The following ADAMTS3 variants were observed in gnomAD, a reference collection of about 807,000 sequenced individuals.
The protein encoded by ADAMTS3 is A disintegrin and metalloproteinase with thrombospondin motifs 3.
Under a neutral mutation model 129.0 loss-of-function variants are expected in ADAMTS3, and 73 were observed. That is an observed-to-expected ratio of 0.57 (90% CI 0.47 to 0.69). The LOEUF is 0.69. Among genes scored for constraint, ADAMTS3 ranks in the 30% least tolerant of loss-of-function variants. The pLI, the probability that ADAMTS3 is intolerant of heterozygous loss-of-function variation, is 0.00. For synonymous variants in ADAMTS3, 477 were observed against 510.8 expected (o/e 0.93, Z 0.89); for missense variants, 1,457 against 1,514.5 (o/e 0.96, Z 0.63).
intron 3 of ADAMTS3, among the ~76,000 whole-genome samples, chr4:72,475,760 A>T (rs1190937244): frequency 6.6e-6 from 1 of 152,108 alleles, no homozygotes; most frequent in African/African-American, 2.4e-5. Flanking sequence ...CATCTATGAA[A>T]AAAAAACAAA....
At chr4:72,452,255 T>C (rs1050273609) in intron 3 of ADAMTS3, among the ~76,000 whole-genome samples, 3 of 151,580 alleles carry the variant, frequency 2.0e-5, no homozygotes, top group African/African-American at 4.8e-5. Flanking sequence ...TCTATAGCAA[T>C]AGACATGTTA....
At chr4:72,361,630 T>A (rs1385321469) in intron 4 of ADAMTS3, among the ~76,000 whole-genome samples, 1 of 152,126 alleles carries the variant, frequency 6.6e-6, no homozygotes, top group African/African-American at 2.4e-5. Context: ...ATATTCCTAT[T>A]CTTTCCTGCA....
Position 72,283,210 on chromosome 4 carries a change from C to A in ADAMTS3, c.3544G>T (p.Ala1182Ser), listed in dbSNP as rs1162393923. 2.5e-6 allele frequency: 4 copies of A among 1,613,834 alleles called. No individual in the cohort carries two copies. Among genetic ancestry groups the A allele is most frequent in the Middle Eastern group, 1.7e-4 (1 of 6,058 alleles). ...ASDSIGASSQ[A>S]RTSKKDGKII... ...TTTCCATCTTTCTTTGAGGTTCTTG[C>A]CTGAGAAGAAGCACCTATTGAATCA... is the stretch of plus-strand genomic sequence containing the variant. Residue 1182 changes from alanine (A) to serine (S), a missense_variant, in exon 22 of 22, where the codon GCA (alanine) becomes TCA (serine). Coordinates refer to ENST00000286657, the MANE Select transcript of ADAMTS3 (RefSeq NM_014243.3).
At chr4:72,416,727 C>T (rs1722315066) in intron 3 of ADAMTS3, among the ~76,000 whole-genome samples, 1 of 152,148 alleles carries the variant, frequency 6.6e-6, no homozygotes. Context: ...AATATAATTT[C>T]CAACATCTTC....
chr4:72,440,233 T>C (rs1718072296), intron 3 of ADAMTS3, among the ~76,000 whole-genome samples: 1 of 151,770 alleles, frequency 6.6e-6, no homozygotes, highest in African/African-American at 2.4e-5. Flanking sequence ...TCAGTAGACA[T>C]GAAGGTCTAA....
At chr4:72,456,717 A>G (rs1194776622) in intron 3 of ADAMTS3, among the ~76,000 whole-genome samples, 3 of 151,288 alleles carry the variant, frequency 2.0e-5, no homozygotes, top group African/African-American at 7.3e-5. Context: ...ACATTTGGGG[A>G]GAAACTGGGA....
chr4:72,300,133 T>A (rs1025021892), intron 17 of ADAMTS3, among the ~76,000 whole-genome samples: 2 of 152,052 alleles, frequency 1.3e-5, no homozygotes, highest in African/African-American at 4.8e-5. Flanking sequence ...AAAACAGCAT[T>A]AAAAATCAAG....
In ADAMTS3 at chr4:72,317,889, G is replaced by A. The variant is rs555739043; in HGVS notation, c.1485+683C>T. Among the ~76,000 whole-genome samples, 6 of 151,988 alleles carry A rather than the reference G, an allele frequency of 3.9e-5. No homozygotes were observed. In the South Asian group the frequency reaches 8.3e-4, roughly 21 times the overall value. ...TAAAAATACAAAAAAATTAGCTGGC[G>A]GTGGTGGTGCATGCCTGTAATCCCA... On this transcript the variant is annotated intron_variant, in intron 10 of 21. Transcript: ENST00000286657.
intron 21 of ADAMTS3, among the ~76,000 whole-genome samples, chr4:72,283,905 T>C (rs1718429919): frequency 6.6e-6 from 1 of 152,188 alleles, no homozygotes; most frequent in South Asian, 2.1e-4. Flanking sequence ...GTCTACAAAG[T>C]CCTTGTGATG....
intron 3 of ADAMTS3, among the ~76,000 whole-genome samples, chr4:72,529,978 A>AATATAATATATTATATATAAT (rs1720939163): frequency 1.5e-4 from 1 of 6,724 alleles, no homozygotes; most frequent in African/African-American, 7.2e-4. Context: ...TTTATATATA[A>AATATAATATATTATATATAAT]ATATAATATA....
chr4:72,466,926 C>T (rs188748557), intron 3 of ADAMTS3, among the ~76,000 whole-genome samples: 1 of 152,136 alleles, frequency 6.6e-6, no homozygotes, highest in Admixed American at 6.6e-5. Context: ...AATCTGCCTC[C>T]TCAATGGTCC....
At chr4:72,541,751 A>G (rs1331033242) in intron 3 of ADAMTS3, among the ~76,000 whole-genome samples, 2 of 151,404 alleles carry the variant, frequency 1.3e-5, no homozygotes, top group Non-Finnish European at 2.9e-5. Context: ...GCCACTATGT[A>G]AGATGTGCCT....
chr4:72,348,734 A>G (rs554987221), intron 4 of ADAMTS3, among the ~76,000 whole-genome samples: 112 of 151,922 alleles, frequency 7.4e-4, no homozygotes, highest in African/African-American at 2.6e-3. Flanking sequence ...AGTTTGATGT[A>G]CCATTGCTGG....
intron 3 of ADAMTS3, among the ~76,000 whole-genome samples, chr4:72,421,492 T>C (rs929765291): frequency 6.6e-6 from 1 of 152,072 alleles, no homozygotes; most frequent in Non-Finnish European, 1.5e-5. Context: ...ACCTTAGATT[T>C]AGAAGGAAGC....
In ADAMTS3 at chr4:72,316,038, C is replaced by T. The variant is rs553239829; in HGVS notation, c.1486-67G>A. 557 of 913,960 alleles carry T rather than the reference C, an allele frequency of 6.1e-4. 5 individuals are homozygous for T. In the Admixed American group the frequency reaches 0.012, roughly 20 times the overall value. The allele number at this position is 913,960 out of a possible 1,614,324, so 56.6% of individuals were successfully genotyped here. ...GCATGACATGCACCAAAAATATATT[C>T]TATACAGTTTCTTCTGTCCTGTTTC... On this transcript the variant is annotated intron_variant, in intron 10 of 21. Coordinates refer to ENST00000286657, the MANE Select transcript of ADAMTS3 (RefSeq NM_014243.3).
intron 4 of ADAMTS3, among the ~76,000 whole-genome samples, chr4:72,379,862 A>G (rs146793959): frequency 3.3e-5 from 5 of 152,282 alleles, no homozygotes; most frequent in African/African-American, 1.2e-4. Context: ...GATTTATATT[A>G]TTACTACTAT....
chr4:72,292,363 G>T (rs1479851972), intron 19 of ADAMTS3, among the ~76,000 whole-genome samples: 1 of 152,132 alleles, frequency 6.6e-6, no homozygotes, highest in African/African-American at 2.4e-5. Flanking sequence ...TACAGTTGTT[G>T]CTATGAAGGC....
intron 3 of ADAMTS3, among the ~76,000 whole-genome samples, chr4:72,511,506 A>T (rs1046082604): frequency 2.0e-5 from 3 of 152,262 alleles, no homozygotes; most frequent in African/African-American, 7.2e-5. Context: ...AAACGGACAT[A>T]CGAAAACGTG....
intron 3 of ADAMTS3, among the ~76,000 whole-genome samples, chr4:72,531,457 A>C (rs1019736815): frequency 1.3e-5 from 2 of 152,158 alleles, no homozygotes; most frequent in Non-Finnish European, 2.9e-5. Context: ...ACACATACAA[A>C]TCATCACTGG....
Sources: allele counts gnomAD v4.1 joint callset (sites outside exome capture counted in the v4.1 genomes callset), GRCh38; gene constraint gnomAD v4.1.1; transcripts MANE v1.5; gene names NCBI Gene and HGNC (gene_info 2026-07-23, HGNC 2026-07-21).